Variants in RETSAT observed in about 807,000 individuals in gnomAD.
RETSAT encodes all-trans-retinol 13,14-reductase.
In RETSAT, 35 loss-of-function variants were observed where a neutral mutation model predicts 61.6. The observed-to-expected ratio is 0.57, with a 90% CI of 0.43 to 0.75. The LOEUF (loss-of-function observed/expected upper bound fraction) is 0.75. Ranked by LOEUF, RETSAT falls within the 30% of genes least tolerant of loss-of-function variation. RETSAT has a pLI of 0.00. For missense variants in RETSAT, 670 were observed against 759.5 expected, an observed-to-expected ratio of 0.88 and a Z score of 1.38; for synonymous variants, 277 against 310.4, an observed-to-expected ratio of 0.89 and a Z score of 1.13.
Position 85,344,638 on chromosome 2 carries a change from C to T in RETSAT, c.1212G>A (p.Pro404=), listed in dbSNP as rs147843877. The T allele has an allele frequency of 1.6e-5, 26 of 1,614,190 alleles. No individual in the cohort carries two copies. Among genetic ancestry groups the T allele is most frequent in the African/African-American group, 1.3e-4 (10 of 75,058 alleles). The part of the protein sequence containing the change: ...LRGTKEDLHL[P]STNYYVYYDT... ...CATAGTAAACATAGTAGTTGGTGGACGGCAGATGCAGGTCTTCCTTGGTGC... is the reference window on the plus strand; with the variant it reads ...CATAGTAAACATAGTAGTTGGTGGATGGCAGATGCAGGTCTTCCTTGGTGC... Residue 404 remains proline (P), a synonymous_variant, in exon 7 of 11, where the codon CCG becomes CCA. Coordinates refer to ENST00000295802, the MANE Select transcript of RETSAT (RefSeq NM_017750.4).
At chr2:85,347,386 GC>G (rs1347851092) in intron 5 of RETSAT, among the ~76,000 whole-genome samples, 2 of 152,216 alleles carry the variant, frequency 1.3e-5, no homozygotes, top group East Asian at 3.9e-4. Context: ...CCAGCACCGT[GC>G]CTGGCTAATT....
chr2:85,342,193 T>C lies in RETSAT; in HGVS notation c.*1049A>G. ...TGATACCAAAGACATAACTGAAAAG[T>C]CATTTTTCCAAACCTTGAGCTTGCA... is the stretch of plus-strand genomic sequence containing the variant. On this transcript the variant is annotated 3_prime_UTR_variant, in exon 11 of 11. Coordinates refer to ENST00000295802, the MANE Select transcript of RETSAT (RefSeq NM_017750.4). 5.4e-6 allele frequency: 1 copy of C among 184,952 alleles called. No individual in the cohort carries two copies. Among genetic ancestry groups the C allele is most frequent in the Non-Finnish European group, 1.1e-5 (1 of 89,352 alleles). 11.5% of individuals were successfully genotyped at this position (184,952 alleles called of 1,614,324 possible). A position where few individuals can be genotyped will look rare whatever the true frequency, so the allele number is the denominator to read the frequency against.
Position 85,351,871 on chromosome 2 carries a change from G to C in RETSAT, c.173-9C>G, listed in dbSNP as rs758936896. 2 of 1,612,526 alleles carry C rather than the reference G, an allele frequency of 1.2e-6. No homozygotes were observed. The highest frequency in any genetic ancestry group is 1.1e-5 in the South Asian group (1 of 91,016). On this transcript the variant is annotated splice_polypyrimidine_tract_variant and intron_variant, in intron 1 of 10. Coordinates refer to ENST00000295802, the MANE Select transcript of RETSAT (RefSeq NM_017750.4). ...TTGGTTGGCTGAAAAAGCTACAGCAGAAGGGCCAAAGGGTGGGTTTCTCAG... is the reference window on the plus strand; with the variant it reads ...TTGGTTGGCTGAAAAAGCTACAGCACAAGGGCCAAAGGGTGGGTTTCTCAG...
chr2:85,347,567 T>C (rs901168871), intron 5 of RETSAT, among the ~76,000 whole-genome samples: 1 of 151,810 alleles, frequency 6.6e-6, no homozygotes, highest in African/African-American at 2.4e-5. Context: ...AGGGTTTCAC[T>C]ATGTTGGCCA....
intron 5 of RETSAT, 120 bp from the exon 6 acceptor site, chr2:85,346,214 T>C: frequency 1.5e-6 from 2 of 1,352,422 alleles, no homozygotes; most frequent in Non-Finnish European, 2.0e-6. Context: ...TCCAGCTACC[T>C]AGACTCAGGC....
In RETSAT at chr2:85,345,984, A is replaced by C; in HGVS notation, c.1108T>G (p.Cys370Gly). 6.2e-7 allele frequency: 1 copy of C among 1,614,204 alleles called. No homozygotes were observed. Among genetic ancestry groups the C allele is most frequent in the Non-Finnish European group, 8.5e-7 (1 of 1,180,034 alleles). The change falls in exon 6 of 11, where the codon TGC becomes GGC. Residue 370 changes from cysteine (C) to glycine (G), a missense_variant. Physicochemically the swap from Cys to Gly is radical, Grantham distance 159 (BLOSUM62 -3). Coordinates refer to ENST00000295802, the MANE Select transcript of RETSAT (RefSeq NM_017750.4). ...CAGACCCGCCTTTTACCTGGCAGGC[A>C]GCGGGCGTTCCCCGGCAGTAGGTGT... ...YEHLLPGNAR[C>G]LPGVKQQLGT...
chr2:85,343,348 GC>G lies in RETSAT; in HGVS notation c.1726del (p.Ala576ProfsTer13). On this transcript the variant is annotated frameshift_variant, in exon 11 of 11. Transcript: ENST00000295802. LOFTEE classifies it high-confidence loss of function. ...QDIFTCGLVGALQGALLCSSA... is the reference protein window; with the variant it reads ...QDIFTCGLVGXLQGALLCSSA... ...GCTGCACAGCAGGGCACCTTGCAGG[GC>G]CCCGACCAGTCCACAGGTGAAGATA... The G allele has an allele frequency of 6.2e-7, 1 of 1,614,178 alleles. No homozygotes were observed. The highest frequency in any genetic ancestry group is 8.5e-7 in the Non-Finnish European group (1 of 1,180,016).
intron 7 of RETSAT, 57 bp downstream of exon 7, chr2:85,344,535 TTC>T (rs1171805584): frequency 2.7e-5 from 43 of 1,598,140 alleles, no homozygotes; most frequent in African/African-American, 5.4e-5. Context: ...CCTCTGCTCA[TTC>T]TCTGAGTCAA....
chr2:85,350,559 C>T (rs930445753), intron 3 of RETSAT, among the ~76,000 whole-genome samples: 22 of 152,060 alleles, frequency 1.4e-4, no homozygotes, highest in African/African-American at 5.1e-4. Context: ...AGGGCATCCC[C>T]AGAGGCCAGG....
intron 4 of RETSAT, 63 bp downstream of exon 4, chr2:85,349,977 G>A: frequency 6.7e-7 from 1 of 1,484,576 alleles, no homozygotes; most frequent in South Asian, 1.1e-5. Flanking sequence ...AAGAAAGATT[G>A]AGAGATGAGA....
intron 2 of RETSAT, 198 bp downstream of exon 2, chr2:85,351,482 T>G: frequency 3.6e-6 from 2 of 554,798 alleles, no homozygotes; most frequent in Non-Finnish European, 3.1e-6. Flanking sequence ...GAGGTTACAG[T>G]AAGCTGGGAT....
Position 85,351,730 on chromosome 2 carries a change from GC to G in RETSAT, c.304del (p.Ala102GlnfsTer94). On this transcript the variant is annotated frameshift_variant, in exon 2 of 11. Coordinates refer to ENST00000295802, the MANE Select transcript of RETSAT (RefSeq NM_017750.4). LOFTEE classifies it high-confidence loss of function. ...RVLVLEQHTK[A>X]GGCCHTFGKN... ...TCCAAAGGTATGACAGCAGCCCCCT[GC>G]CTTGGTATGTTGTTCCAGCACCAGG... The G allele has an allele frequency of 6.2e-7, 1 of 1,614,140 alleles. No homozygotes were observed. Among genetic ancestry groups the G allele is most frequent in the Non-Finnish European group, 8.5e-7 (1 of 1,180,028 alleles).
chr2:85,351,975 T>C (rs2104439894), intron 1 of RETSAT, 113 bp from the exon 2 acceptor site: 1 of 972,598 alleles, frequency 1.0e-6, no homozygotes, highest in Non-Finnish European at 1.5e-6. Flanking sequence ...ACCTCTAGAG[T>C]GGTTTGGCAC....
chr2:85,345,950 G>A (rs750014291), intron 6 of RETSAT, 25 bp downstream of exon 6: 8 of 1,613,984 alleles, frequency 5.0e-6, no homozygotes, highest in Middle Eastern at 1.6e-4. Flanking sequence ...ACCTGCAAGA[G>A]GGGCAGTGCA....
intron 1 of RETSAT, among the ~76,000 whole-genome samples, chr2:85,352,497 G>C (rs1213738363): frequency 1.3e-5 from 2 of 151,990 alleles, no homozygotes; most frequent in Non-Finnish European, 2.9e-5. Context: ...TGATCCGCCT[G>C]CCTCGGCCTC....
chr2:85,347,931 C>A (rs1683228452), intron 5 of RETSAT, among the ~76,000 whole-genome samples: 1 of 152,180 alleles, frequency 6.6e-6, no homozygotes, highest in African/African-American at 2.4e-5. Flanking sequence ...CTGGGCCCCC[C>A]ACTTATCACC....
Position 85,346,776 on chromosome 2 carries a change from G to A in RETSAT, c.998-682C>T, listed in dbSNP as rs542242078. On this transcript the variant is annotated intron_variant, in intron 5 of 10. Coordinates refer to ENST00000295802, the MANE Select transcript of RETSAT (RefSeq NM_017750.4). ...ATCTAAAAAAAATGAATGAATGAAT[G>A]AATGAATAAAATAAAAATAAAACCC... 2.0e-5 allele frequency among the ~76,000 whole-genome samples: 3 copies of A among 152,158 alleles called. No homozygotes were observed. The South Asian group carries it at 6.2e-4, about 32-fold the overall frequency.
At chr2:85,349,044 C>T (rs912678885) in intron 5 of RETSAT, among the ~76,000 whole-genome samples, 7 of 145,024 alleles carry the variant, frequency 4.8e-5, no homozygotes, top group Admixed American at 2.7e-4. Flanking sequence ...CCACCATGCC[C>T]GGCCATATTT....
In RETSAT at chr2:85,343,927, TC is replaced by T. The variant is rs1303155189; in HGVS notation, c.1533+71del. The T allele has an allele frequency of 4.4e-6, 7 of 1,591,532 alleles. No individual in the cohort carries two copies. In the African/African-American group the frequency reaches 6.7e-5, roughly 15 times the overall value. On this transcript the variant is annotated intron_variant, in intron 9 of 10. Transcript: ENST00000295802. ...TGGGGCTCATGTCTTGGGGCCTGAT[TC>T]CCCTGTCTCAAGGAAAGGGCAGAAA...
Sources: gnomAD v4.1 joint callset for allele counts (sites outside exome capture counted in the v4.1 genomes callset) on GRCh38, gnomAD v4.1.1 for gene constraint, MANE v1.5 for transcripts, NCBI Gene and HGNC (gene_info 2026-07-23, HGNC 2026-07-21) for gene names.